Variants in TFAP2E observed in about 807,000 individuals in gnomAD.
The protein encoded by TFAP2E is transcription factor AP-2-epsilon.
In TFAP2E, 30 loss-of-function variants were observed where a neutral mutation model predicts 37.9. The observed-to-expected ratio is 0.79, with a 90% confidence interval of 0.59 to 1.07. The LOEUF (loss-of-function observed/expected upper bound fraction) is 1.07. Among genes scored for constraint, TFAP2E ranks in the 50% least tolerant of loss-of-function variants. The probability of loss-of-function intolerance (pLI) is 0.00; values close to 1 mark genes in which losing one functional copy is unlikely to be tolerated. For synonymous variants in TFAP2E, 318 were observed against 295.8 expected (o/e 1.08, Z -0.77); for missense variants, 567 against 637.9 (o/e 0.89, Z 1.20).
chr1:35,580,898 T>C (rs1390321025), intron 3 of TFAP2E, among the ~76,000 whole-genome samples: 1 of 152,154 alleles, frequency 6.6e-6, no homozygotes. Flanking sequence ...ATACCTAAAA[T>C]TTACACATTG....
intron 3 of TFAP2E, among the ~76,000 whole-genome samples, chr1:35,583,552 A>G (rs1178626321): frequency 6.6e-6 from 1 of 152,050 alleles, no homozygotes; most frequent in East Asian, 1.9e-4. Flanking sequence ...ACCTGCGGAC[A>G]GAGTGCCTTG....
At chr1:35,592,026 A>C (rs1334202848) in intron 6 of TFAP2E, among the ~76,000 whole-genome samples, 1 of 152,128 alleles carries the variant, frequency 6.6e-6, no homozygotes, top group African/African-American at 2.4e-5. Context: ...GGTGGCTCAC[A>C]TCTGTAATCC....
intron 6 of TFAP2E, among the ~76,000 whole-genome samples, chr1:35,591,464 T>C (rs376353849): frequency 1.6e-4 from 24 of 152,206 alleles, no homozygotes; most frequent in South Asian, 8.3e-4. Context: ...GCAAATCCCA[T>C]TGTGCCTCCC....
chr1:35,591,618 AT>A (rs1649684025), intron 6 of TFAP2E, among the ~76,000 whole-genome samples: 1 of 152,158 alleles, frequency 6.6e-6, no homozygotes, highest in Non-Finnish European at 1.5e-5. Flanking sequence ...CGCTGCATTG[AT>A]TTTCAAACTA....
In TFAP2E at chr1:35,592,083, A is replaced by G. The variant is rs1397059485; in HGVS notation, c.1046+1308A>G. 2.0e-5 allele frequency among the ~76,000 whole-genome samples: 3 copies of G among 151,508 alleles called. No individual in the cohort carries two copies. In the East Asian group the frequency reaches 5.9e-4, roughly 30 times the overall value. On this transcript the variant is annotated intron_variant, in intron 6 of 6. Transcript: ENST00000373235. ...GCTGGTGGATCGCTTGAGCCCAGGA[A>G]TTGGAGACTAGCCTGGGCAACATGG...
Position 35,590,012 on chromosome 1 carries a change from G to A in TFAP2E, c.868G>A (p.Ala290Thr), listed in dbSNP as rs1453447685. ...CAACCTGCCAGCTGGCCGTCGCAAG[G>A]CCGCCAATGTGACGCTGCTGACTTC... ...GLNLPAGRRK[A>T]ANVTLLTSLV... Residue 290 changes from alanine (A) to threonine (T), a missense_variant, in exon 5 of 7, where the codon GCC becomes ACC. Transcript: ENST00000373235. This position sits in a 1 kb window ranked among gnomAD's most constrained non-coding sequence, Gnocchi z 6.2. The A allele has an allele frequency of 6.2e-7, 1 of 1,614,134 alleles. No individual in the cohort carries two copies.
At chr1:35,593,769 C>T (rs1264795209) in intron 6 of TFAP2E, among the ~76,000 whole-genome samples, 2 of 152,190 alleles carry the variant, frequency 1.3e-5, no homozygotes, top group Non-Finnish European at 2.9e-5. Context: ...GCCTGAGCCA[C>T]ACACAGGACG....
Position 35,577,760 on chromosome 1 carries a change from C to T in TFAP2E, c.562+2760C>T. ...TGGGTTGGAAAAGCTTCGCTGACTG[C>T]AGGCAAGCGTCCGGGAGGGGCGGCC... On this transcript the variant is annotated intron_variant, in intron 3 of 6. Coordinates refer to ENST00000373235, the MANE Select transcript of TFAP2E (RefSeq NM_178548.4). The surrounding 1 kb of genome is among the most constrained non-coding windows in gnomAD (Gnocchi z 6.3). The T allele has an allele frequency of 4.1e-6, 1 of 245,278 alleles. No individual in the cohort carries two copies. The highest frequency in any genetic ancestry group is 8.5e-6 in the Non-Finnish European group (1 of 118,140). 15.2% of individuals were successfully genotyped at this position (245,278 alleles called of 1,614,324 possible).
In TFAP2E at chr1:35,588,981, GTCTC is replaced by G. The variant is rs138814453; in HGVS notation, c.785+439_785+442del. Among the ~76,000 whole-genome samples the G allele has an allele frequency of 1.1e-4, 17 of 152,062 alleles. No homozygotes were observed. In the East Asian group the frequency reaches 1.5e-3, roughly 14 times the overall value. ...CCATGGTTCATCTTCCTAGACCTGT[GTCTC>G]TCTCTCTCTGTGCATGTCTTTGTGC... On this transcript the variant is annotated intron_variant, in intron 4 of 6. Coordinates refer to ENST00000373235, the MANE Select transcript of TFAP2E (RefSeq NM_178548.4). This position sits in a 1 kb window ranked among gnomAD's most constrained non-coding sequence, Gnocchi z 5.1.
chr1:35,586,565 G>A (rs182303489), intron 3 of TFAP2E, among the ~76,000 whole-genome samples: 311 of 152,256 alleles, frequency 2.0e-3, no homozygotes, highest in African/African-American at 7.2e-3. Context: ...GCATGCAGAG[G>A]AGTGGCCACA....
At position 35,590,519 on chromosome 1, in the gene TFAP2E, G is replaced by T; in HGVS notation, c.905-115G>T. ...GGGCTGGGAAGGAACATCAGAGGGG[G>T]CATCTACACAGGCAGGATGGGGCAG... On this transcript the variant is annotated intron_variant, in intron 5 of 6. Coordinates refer to ENST00000373235, the MANE Select transcript of TFAP2E (RefSeq NM_178548.4). This position sits in a 1 kb window ranked among gnomAD's most constrained non-coding sequence, Gnocchi z 6.2. The T allele has an allele frequency of 8.3e-7, 1 of 1,201,624 alleles. No homozygotes were observed. The highest frequency in any genetic ancestry group is 2.6e-5 in the South Asian group (1 of 38,196). The allele number at this position is 1,201,624 out of a possible 1,614,324, so 74.4% of individuals were successfully genotyped here.
At chr1:35,582,508 C>CT (rs749452012) in intron 3 of TFAP2E, among the ~76,000 whole-genome samples, 4,509 of 129,676 alleles carry the variant, frequency 0.035, 140 homozygotes, top group African/African-American at 0.084. Flanking sequence ...TAAAAATTAT[C>CT]TTTTTTTTTT....
intron 6 of TFAP2E, among the ~76,000 whole-genome samples, chr1:35,592,492 G>A (rs1649716579): frequency 2.0e-5 from 3 of 152,218 alleles, no homozygotes; most frequent in South Asian, 4.1e-4. Flanking sequence ...CCAGCTCCTG[G>A]GTTCAAGCAA....
intron 4 of TFAP2E, among the ~76,000 whole-genome samples, chr1:35,589,114 G>C (rs1649574209): frequency 6.6e-6 from 1 of 151,948 alleles, no homozygotes; most frequent in South Asian, 2.1e-4. Context: ...GGATGGCCAG[G>C]AGCATGTGTT....
chr1:35,573,445 G>C lies in TFAP2E; in HGVS notation c.-133G>C. 8.1e-7 allele frequency: 1 copy of C among 1,236,802 alleles called. No homozygotes were observed. The highest frequency in any genetic ancestry group is 1.1e-6 in the Non-Finnish European group (1 of 948,518). 76.6% of individuals were successfully genotyped at this position (1,236,802 alleles called of 1,614,324 possible). ...AGGACCCCACGCCCACTAGGATCCC[G>C]GCTGGGTCGCACCCAGCTACCGCAC... On this transcript the variant is annotated 5_prime_UTR_variant, in exon 1 of 7. Coordinates refer to ENST00000373235, the MANE Select transcript of TFAP2E (RefSeq NM_178548.4). The surrounding 1 kb of genome is among the most constrained non-coding windows in gnomAD (Gnocchi z 5.9).
intron 3 of TFAP2E, among the ~76,000 whole-genome samples, chr1:35,585,065 G>T (rs1649448297): frequency 6.6e-6 from 1 of 152,058 alleles, no homozygotes; most frequent in South Asian, 2.1e-4. Flanking sequence ...GGGGGTGAGA[G>T]GGAGCTGGGG....
rs1031874552 is a variant in TFAP2E, at chr1:35,590,844, A to G, written c.1046+69A>G. 5.3e-6 allele frequency: 7 copies of G among 1,332,072 alleles called. No individual in the cohort carries two copies. The highest frequency in any genetic ancestry group is 6.8e-6 in the Non-Finnish European group (7 of 1,025,754). 82.5% of individuals were successfully genotyped at this position (1,332,072 alleles called of 1,614,324 possible). On this transcript the variant is annotated intron_variant, in intron 6 of 6. Coordinates refer to ENST00000373235, the MANE Select transcript of TFAP2E (RefSeq NM_178548.4). This position sits in a 1 kb window ranked among gnomAD's most constrained non-coding sequence, Gnocchi z 6.2. ...CAGACAGACATCATGTATGGGCACA[A>G]TGGACACCACTGTGTACATGAGCAG... is the stretch of plus-strand genomic sequence containing the variant.
Position 35,575,076 on chromosome 1 carries a change from G to A in TFAP2E, c.562+76G>A, listed in dbSNP as rs1169465173. ...GGTGCACAGATCCATTTTCTTCACC[G>A]GCCGTGCCTCCTGTGTGTCGCCAGG... On this transcript the variant is annotated intron_variant, in intron 3 of 6. Transcript: ENST00000373235. 7 of 1,581,806 alleles carry A rather than the reference G, an allele frequency of 4.4e-6. No homozygotes were observed. The African/African-American group carries it at 6.7e-5, about 15-fold the overall frequency.
Position 35,573,930 on chromosome 1 carries a change from C to T in TFAP2E, c.31C>T (p.Arg11Cys). Reference sequence around the variant, plus strand: ...AGGCACCCCTCTCCTTCCCCAGGAGCGCCCCGACGGGCTGGGAGCAGCTGC... The same window carrying T: ...AGGCACCCCTCTCCTTCCCCAGGAGTGCCCCGACGGGCTGGGAGCAGCTGC... MLVHTYSAMERPDGLGAAAGG... is the reference protein window; with the variant it reads MLVHTYSAMECPDGLGAAAGG... Residue 11 changes from arginine to cysteine, a missense_variant, in exon 2 of 7, where the codon CGC becomes TGC. Arg to Cys is a radical substitution (Grantham distance 180, BLOSUM62 -3). Transcript: ENST00000373235. The surrounding 1 kb of genome is among the most constrained non-coding windows in gnomAD (Gnocchi z 5.9). 6.9e-7 allele frequency: 1 copy of T among 1,453,996 alleles called. No individual in the cohort carries two copies. Among genetic ancestry groups the T allele is most frequent in the African/African-American group, 1.5e-5 (1 of 67,266 alleles). The allele number at this position is 1,453,996 out of a possible 1,614,324, so 90.1% of individuals were successfully genotyped here. A position where few individuals can be genotyped will look rare whatever the true frequency, so the allele number is the denominator to read the frequency against.
Sources: gnomAD v4.1 joint callset for allele counts (sites outside exome capture counted in the v4.1 genomes callset) on GRCh38, gnomAD v4.1.1 for gene constraint, Gnocchi (gnomAD v3.1) non-coding constraint, MANE v1.5 for transcripts, NCBI Gene and HGNC (gene_info 2026-07-23, HGNC 2026-07-21) for gene names.